SH3BP5L: variants seen among roughly 807,000 people sequenced by gnomAD.
SH3BP5L encodes SH3 binding domain protein 5 like.
SH3BP5L carries 16 observed loss-of-function variants against 40.9 expected under a neutral mutation model. The observed-to-expected ratio is 0.39, with a 90% confidence interval of 0.27 to 0.59. The LOEUF is 0.59. Ranked by LOEUF, SH3BP5L falls within the 20% of genes least tolerant of loss-of-function variation. The pLI is 0.53. For synonymous variants in SH3BP5L, 229 were observed against 226.7 expected (o/e 1.01, Z -0.09); for missense variants, 471 against 544.6 (o/e 0.86, Z 1.35).
intron 4 of SH3BP5L, chr1:248,814,887 A>G (rs1161861087): frequency 1.8e-6 from 1 of 542,068 alleles, no homozygotes; most frequent in Non-Finnish European, 3.4e-6. Flanking sequence ...CCTAGGGAAA[A>G]CAAAGGAAAA....
chr1:248,812,166 T>C lies in SH3BP5L; in HGVS notation c.916A>G (p.Ser306Gly), dbSNP rs1405735983. The C allele has an allele frequency of 3.1e-6, 5 of 1,598,102 alleles. No homozygotes were observed. The highest frequency in any genetic ancestry group is 4.3e-6 in the Non-Finnish European group (5 of 1,172,488). Residue 306 changes from serine (S) to glycine (G), a missense_variant, in exon 7 of 7, where the codon AGC (serine) becomes GGC (glycine). Coordinates refer to ENST00000366472, the MANE Select transcript of SH3BP5L (RefSeq NM_030645.3). The surrounding 1 kb of genome is among the most constrained non-coding windows in gnomAD (Gnocchi z 6.1). ...GCACCCTCGGCCCCCTCAATCCCGC[T>C]GTCTCCGTCCTCCATGTCCTCGGGT... The part of the protein sequence containing the change: ...AGPEDMEDGD[S>G]GIEGAEGAGL...
chr1:248,818,152 G>A (rs905129890), intron 2 of SH3BP5L, among the ~76,000 whole-genome samples: 3 of 151,814 alleles, frequency 2.0e-5, no homozygotes, highest in South Asian at 2.1e-4. Context: ...GTTCAAGACC[G>A]GCCTGGCCAA....
chr1:248,819,855 G>A (rs73150590), intron 2 of SH3BP5L, among the ~76,000 whole-genome samples: 3,329 of 152,112 alleles, frequency 0.022, 125 homozygotes, highest in African/African-American at 0.076. Context: ...AAATTTTCTC[G>A]AAGAGACTTA....
rs28362663 is a variant in SH3BP5L at position 248,825,816 on chromosome 1, G to GC, written c.-432+18dup. On this transcript the variant is annotated intron_variant, in intron 1 of 6. Coordinates refer to ENST00000366472, the MANE Select transcript of SH3BP5L (RefSeq NM_030645.3). ...CCATTCTACCCAGCCATGCGCAAAA[G>GC]CCCCCCGCACAGCCTTACCTCAGTT... is the stretch of plus-strand genomic sequence containing the variant. 3 of 934,096 alleles carry GC rather than the reference G, an allele frequency of 3.2e-6. No individual in the cohort carries two copies. Among genetic ancestry groups the GC allele is most frequent in the Non-Finnish European group, 3.8e-6 (3 of 784,190 alleles). The allele number at this position is 934,096 out of a possible 1,614,324, so 57.9% of individuals were successfully genotyped here.
intron 5 of SH3BP5L, chr1:248,814,071 G>A (rs1664032273): frequency 4.4e-6 from 1 of 227,242 alleles, no homozygotes; most frequent in Non-Finnish European, 8.8e-6. Flanking sequence ...AAAACTCGAG[G>A]TGTACTGTCA....
At chr1:248,822,861 AC>A (rs1348666614) in intron 2 of SH3BP5L, among the ~76,000 whole-genome samples, 4 of 152,010 alleles carry the variant, frequency 2.6e-5, no homozygotes, top group African/African-American at 9.7e-5. Context: ...ACGGGTTTTC[AC>A]CATGTTGGCC....
In SH3BP5L at chr1:248,825,134, T is replaced by C; in HGVS notation, c.-199A>G. On this transcript the variant is annotated 5_prime_UTR_variant, in exon 2 of 7. Coordinates refer to ENST00000366472, the MANE Select transcript of SH3BP5L (RefSeq NM_030645.3). ...AAGTTGTCAGTGGGGTTCCTAGAGCTGAAGCCTTGTCTGTGCAAAAGTTCT... is the reference window on the plus strand; with the variant it reads ...AAGTTGTCAGTGGGGTTCCTAGAGCCGAAGCCTTGTCTGTGCAAAAGTTCT... The C allele has an allele frequency of 7.3e-7, 1 of 1,377,800 alleles. No homozygotes were observed. Among genetic ancestry groups the C allele is most frequent in the South Asian group, 1.7e-5 (1 of 57,258 alleles). The allele number at this position is 1,377,800 out of a possible 1,614,324, so 85.3% of individuals were successfully genotyped here. A position where few individuals can be genotyped will look rare whatever the true frequency, so the allele number is the denominator to read the frequency against.
In SH3BP5L at chr1:248,816,520, T is replaced by C; in HGVS notation, c.375+14A>G. On this transcript the variant is annotated intron_variant, in intron 4 of 6. Coordinates refer to ENST00000366472, the MANE Select transcript of SH3BP5L (RefSeq NM_030645.3). ...AGCACGTAGCCTTCCTCAAACGTGGTCAGCCAGCCATACCTCCTTAGCCAG... is the reference window on the plus strand; with the variant it reads ...AGCACGTAGCCTTCCTCAAACGTGGCCAGCCAGCCATACCTCCTTAGCCAG... The C allele has an allele frequency of 6.2e-7, 1 of 1,613,602 alleles. No individual in the cohort carries two copies.
intron 3 of SH3BP5L, 63 bp downstream of exon 3, chr1:248,816,759 G>A (rs375267370): frequency 7.0e-5 from 113 of 1,611,266 alleles, no homozygotes; most frequent in Non-Finnish European, 9.1e-5. Context: ...CTCAATCTGG[G>A]AAAGAGACAG....
chr1:248,810,742 A>G lies in SH3BP5L; in HGVS notation c.*1158T>C, dbSNP rs1663883497. The G allele has an allele frequency of 6.6e-6, 1 of 152,322 alleles. No individual in the cohort carries two copies. The highest frequency in any genetic ancestry group is 2.1e-4 in the South Asian group (1 of 4,830). The allele number at this position is 152,322 out of a possible 1,614,324, so 9.4% of individuals were successfully genotyped here. A position where few individuals can be genotyped will look rare whatever the true frequency, so the allele number is the denominator to read the frequency against. On this transcript the variant is annotated 3_prime_UTR_variant, in exon 7 of 7. Transcript: ENST00000366472. ...GGACTGGTTCTCCCAAGGCACCCAG[A>G]TCTGGTGTGGCTTCCCTACAAACTG...
At chr1:248,823,648 A>C (rs1314491679) in intron 2 of SH3BP5L, among the ~76,000 whole-genome samples, 2 of 151,810 alleles carry the variant, frequency 1.3e-5, no homozygotes, top group Admixed American at 6.6e-5. Context: ...AGAGGAACCC[A>C]CACACACACA....
At chr1:248,817,512 G>A (rs1664139206) in intron 2 of SH3BP5L, among the ~76,000 whole-genome samples, 1 of 152,178 alleles carries the variant, frequency 6.6e-6, no homozygotes, top group African/African-American at 2.4e-5. Context: ...AGGGTAGGAT[G>A]CCTGGAACAC....
At position 248,813,181 on chromosome 1, in the gene SH3BP5L, C is replaced by A. The variant is rs1274940004; in HGVS notation, c.538-19G>T. 6.5e-7 allele frequency: 1 copy of A among 1,532,666 alleles called. No individual in the cohort carries two copies. The highest frequency in any genetic ancestry group is 1.4e-5 in the African/African-American group (1 of 73,128). The allele number at this position is 1,532,666 out of a possible 1,614,324, so 94.9% of individuals were successfully genotyped here. A position where few individuals can be genotyped will look rare whatever the true frequency, so the allele number is the denominator to read the frequency against. ...CATTCACCTGGCCCAGAGGACACAT[C>A]ACTGAGCCAGGACCCATGCTTCAGT... is the stretch of plus-strand genomic sequence containing the variant. On this transcript the variant is annotated intron_variant, in intron 5 of 6. Coordinates refer to ENST00000366472, the MANE Select transcript of SH3BP5L (RefSeq NM_030645.3).
chr1:248,825,283 G>A lies in SH3BP5L; in HGVS notation c.-348C>T. On this transcript the variant is annotated 5_prime_UTR_variant, in exon 2 of 7. Coordinates refer to ENST00000366472, the MANE Select transcript of SH3BP5L (RefSeq NM_030645.3). ...GAGGAGCACCATTCGGGAGGGTGGA[G>A]GCAGGCGCCTCCAGGCTGTGGTGGC... is the stretch of plus-strand genomic sequence containing the variant. 9.7e-7 allele frequency: 1 copy of A among 1,031,996 alleles called. No homozygotes were observed. Among genetic ancestry groups the A allele is most frequent in the Non-Finnish European group, 1.2e-6 (1 of 859,570 alleles). 63.9% of individuals were successfully genotyped at this position (1,031,996 alleles called of 1,614,324 possible). A position where few individuals can be genotyped will look rare whatever the true frequency, so the allele number is the denominator to read the frequency against.
Position 248,810,627 on chromosome 1 carries a change from G to A in SH3BP5L, c.*1273C>T, listed in dbSNP as rs915493898. ...CCTCCCTCAACCTGTAGACCCCCGT[G>A]CAGAGTCCAGTTGCCCACGCATCCC... On this transcript the variant is annotated 3_prime_UTR_variant, in exon 7 of 7. Coordinates refer to ENST00000366472, the MANE Select transcript of SH3BP5L (RefSeq NM_030645.3). 2 of 152,254 alleles carry A rather than the reference G, an allele frequency of 1.3e-5. No homozygotes were observed. The highest frequency in any genetic ancestry group is 4.8e-5 in the African/African-American group (2 of 41,412). The allele number at this position is 152,254 out of a possible 1,614,324, so 9.4% of individuals were successfully genotyped here.
intron 1 of SH3BP5L, 106 bp from the exon 2 acceptor site, chr1:248,825,472 CCCCA>C (rs1381726619): frequency 1.3e-6 from 1 of 782,104 alleles, no homozygotes; most frequent in African/African-American, 1.9e-5. Context: ...CTCACCACGC[CCCCA>C]CCCATGTATT....
At position 248,824,875 on chromosome 1, in the gene SH3BP5L, C is replaced by T; in HGVS notation, c.61G>A (p.Glu21Lys). The change falls in exon 2 of 7, where the codon GAA becomes AAA. Residue 21 changes from glutamate to lysine, a missense_variant. By Grantham distance (56) the Glu-to-Lys change is moderately conservative. This residue lies in a region of SH3BP5L where 275 missense variants were observed against 370.1 expected (regional missense o/e 0.74). Transcript: ENST00000366472. ...RETPQGELRP[E>K]VVEDEVPRSP... Reference sequence around the variant, plus strand: ...CTAGGGACTTCATCCTCTACAACTTCAGGCCGCAGCTCCCCCTGTGGGGTC... The same window carrying T: ...CTAGGGACTTCATCCTCTACAACTTTAGGCCGCAGCTCCCCCTGTGGGGTC... 1 of 1,614,134 alleles carries T rather than the reference C, an allele frequency of 6.2e-7. No individual in the cohort carries two copies. Among genetic ancestry groups the T allele is most frequent in the Non-Finnish European group, 8.5e-7 (1 of 1,180,002 alleles).
At chr1:248,824,139 A>C (rs143133800) in intron 2 of SH3BP5L, among the ~76,000 whole-genome samples, 1 of 152,358 alleles carries the variant, frequency 6.6e-6, no homozygotes, top group Non-Finnish European at 1.5e-5. Flanking sequence ...TATGTATGTT[A>C]CTAAGGATTG....
In SH3BP5L at chr1:248,811,757, CGAACACAGCT is replaced by C; in HGVS notation, c.*133_*142del. On this transcript the variant is annotated 3_prime_UTR_variant, in exon 7 of 7. Transcript: ENST00000366472. ...AACGCCAGGGCAGGCACAGAGGACT[CGAACACAGCT>C]GGCCTCTCCCAGGGAAGCACTGGAG... 1 of 651,414 alleles carries C rather than the reference CGAACACAGCT, an allele frequency of 1.5e-6. No individual in the cohort carries two copies. Among genetic ancestry groups the C allele is most frequent in the South Asian group, 2.0e-5 (1 of 50,076 alleles). The allele number at this position is 651,414 out of a possible 1,614,324, so 40.4% of individuals were successfully genotyped here.
Sources: allele counts gnomAD v4.1 joint callset (sites outside exome capture counted in the v4.1 genomes callset), GRCh38; gene constraint gnomAD v4.1.1; regional missense constraint gnomAD v4.1.1; non-coding constraint Gnocchi (gnomAD v3.1); transcripts MANE v1.5; gene names NCBI Gene and HGNC (gene_info 2026-07-23, HGNC 2026-07-21).